Variants in SLC25A48 observed in about 807,000 individuals in gnomAD.
SLC25A48 encodes the protein CTC-321K16.1.
Under a neutral mutation model 32.2 loss-of-function variants are expected in SLC25A48, and 29 were observed. The ratio of observed to expected loss-of-function variants is 0.90; its 90% confidence interval spans 0.67 to 1.23. The LOEUF is 1.23. Ranked by LOEUF, SLC25A48 falls within the 50% of genes most tolerant of loss-of-function variation. The pLI, the probability that SLC25A48 is intolerant of heterozygous loss-of-function variation, is 0.00. For missense variants in SLC25A48, 399 were observed against 422.7 expected (o/e 0.94, Z 0.49); for synonymous variants, 164 against 172.3 (o/e 0.95, Z 0.38).
At chr5:135,647,125 G>A (rs1190647765) in intron 3 of SLC25A48, among the ~76,000 whole-genome samples, 1 of 151,648 alleles carries the variant, frequency 6.6e-6, no homozygotes, top group African/African-American at 2.4e-5. Flanking sequence ...AAACACATAC[G>A]GTTTTTATTT....
At chr5:135,677,796 T>C (rs1753805597) in intron 3 of SLC25A48, among the ~76,000 whole-genome samples, 1 of 152,166 alleles carries the variant, frequency 6.6e-6, no homozygotes, top group Admixed American at 6.5e-5. Context: ...TGCTACAATA[T>C]TGTTGTGTGG....
At chr5:135,770,053 C>A (rs75252455) in intron 3 of SLC25A48, among the ~76,000 whole-genome samples, 5,968 of 149,788 alleles carry the variant, frequency 0.04, 137 homozygotes, top group South Asian at 0.084. Context: ...AAGGAGTGTA[C>A]AAACCCCCCA....
At chr5:135,644,179 G>A (rs912996897) in intron 3 of SLC25A48, among the ~76,000 whole-genome samples, 1 of 151,640 alleles carries the variant, frequency 6.6e-6, no homozygotes, top group Non-Finnish European at 1.5e-5. Flanking sequence ...AGCAAGTTGC[G>A]GATGGGGAGA....
intron 6 of SLC25A48, chr5:135,874,516 C>T: frequency 1.8e-6 from 1 of 561,358 alleles, no homozygotes; most frequent in Non-Finnish European, 3.2e-6. Flanking sequence ...CAGTGCCTTC[C>T]CCACTCCTCC....
chr5:135,690,630 C>G (rs1754122372), intron 3 of SLC25A48, among the ~76,000 whole-genome samples: 1 of 152,228 alleles, frequency 6.6e-6, no homozygotes, highest in African/African-American at 2.4e-5. Flanking sequence ...CTGAGCCCTC[C>G]CTTCCCAAAA....
chr5:135,734,234 G>A (rs1247901836), intron 3 of SLC25A48, among the ~76,000 whole-genome samples: 1 of 152,132 alleles, frequency 6.6e-6, no homozygotes, highest in Non-Finnish European at 1.5e-5. Flanking sequence ...GGATACGAGA[G>A]GAAGATGCAA....
intron 4 of SLC25A48, among the ~76,000 whole-genome samples, chr5:135,815,544 G>C (rs946917596): frequency 2.6e-5 from 4 of 152,194 alleles, no homozygotes; most frequent in African/African-American, 7.2e-5. Flanking sequence ...ACACAGAAAG[G>C]CCTGAGGGGC....
At chr5:135,626,464 A>G (rs572586897) in intron 1 of SLC25A48, among the ~76,000 whole-genome samples, 2 of 152,356 alleles carry the variant, frequency 1.3e-5, no homozygotes, top group African/African-American at 4.8e-5. Context: ...CCTCAAGCCA[A>G]AGCCTTGGCT....
At chr5:135,832,961 A>C (rs1243236375), upstream of SLC25A48, among the ~76,000 whole-genome samples, 1 of 152,214 alleles carries the variant, frequency 6.6e-6, no homozygotes, top group Non-Finnish European at 1.5e-5. Context: ...GCAAATGTGA[A>C]TGGCAGCACA....
At chr5:135,765,117 C>T (rs1198825951) in intron 3 of SLC25A48, among the ~76,000 whole-genome samples, 1 of 151,590 alleles carries the variant, frequency 6.6e-6, no homozygotes, top group East Asian at 2.0e-4. Context: ...GCATACACCC[C>T]TTTGTGATAT....
chr5:135,836,975 C>CA (rs1758574899), intron 1 of SLC25A48, among the ~76,000 whole-genome samples: 2 of 20,962 alleles, frequency 9.5e-5, no homozygotes, highest in African/African-American at 1.4e-4. Context: ...CCCCCACCCC[C>CA]CCCCCCCACA....
At chr5:135,681,065 A>G (rs1293024868) in intron 3 of SLC25A48, among the ~76,000 whole-genome samples, 1 of 152,066 alleles carries the variant, frequency 6.6e-6, no homozygotes, top group Non-Finnish European at 1.5e-5. Context: ...GGCTCACCGC[A>G]ACCTCTGCCT....
chr5:135,864,805 G>T (rs1041850942), intron 4 of SLC25A48, among the ~76,000 whole-genome samples: 5 of 152,230 alleles, frequency 3.3e-5, no homozygotes, highest in Non-Finnish European at 5.9e-5. Context: ...GGTGACACAT[G>T]GTTTATTTAA....
At chr5:135,753,936 C>A (rs1349295329) in intron 3 of SLC25A48, among the ~76,000 whole-genome samples, 1 of 151,896 alleles carries the variant, frequency 6.6e-6, no homozygotes, top group African/African-American at 2.4e-5. Context: ...CAGTTGTATA[C>A]CCAATGTGAC....
chr5:135,785,450 C>T lies in SLC25A48; in HGVS notation c.-520-27073C>T, dbSNP rs372275056. Among the ~76,000 whole-genome samples the T allele has an allele frequency of 3.3e-5, 5 of 150,260 alleles. No individual in the cohort carries two copies. In the East Asian group the frequency reaches 5.9e-4, roughly 18 times the overall value. ...TCCCTATGCGGCGGGAGGTGGAACACCCCCTTTGCCCCATGGATGGTAATA... is the reference window on the plus strand; with the variant it reads ...TCCCTATGCGGCGGGAGGTGGAACATCCCCTTTGCCCCATGGATGGTAATA... On this transcript the variant is annotated intron_variant, in intron 3 of 10. Transcript: ENST00000646290.
At chr5:135,835,825 C>T (rs1021064027) in intron 1 of SLC25A48, among the ~76,000 whole-genome samples, 4 of 152,166 alleles carry the variant, frequency 2.6e-5, no homozygotes, top group Non-Finnish European at 4.4e-5. Context: ...GATCCCAACT[C>T]CTCCCCTCCT....
At position 135,814,107 on chromosome 5, in the gene SLC25A48, G is replaced by A. The variant is rs1311091155; in HGVS notation, c.-117+1181G>A. 3.3e-5 allele frequency among the ~76,000 whole-genome samples: 5 copies of A among 152,176 alleles called. No individual in the cohort carries two copies. In the South Asian group the frequency reaches 6.2e-4, roughly 19 times the overall value. On this transcript the variant is annotated intron_variant, in intron 4 of 10. Coordinates refer to the SLC25A48 transcript ENST00000646290. ...AAGTTGCAGATGAAATGGAATCTGCGCTGCAGTTGAGCCAGGTGTTGAGAG... is the reference window on the plus strand; with the variant it reads ...AAGTTGCAGATGAAATGGAATCTGCACTGCAGTTGAGCCAGGTGTTGAGAG...
chr5:135,638,146 A>T (rs1561769433), intron 3 of SLC25A48, among the ~76,000 whole-genome samples: 2 of 152,220 alleles, frequency 1.3e-5, no homozygotes, highest in African/African-American at 4.8e-5. Context: ...ATGCATTTTG[A>T]TTCTACATAT....
At chr5:135,763,762 CAT>C (rs1491434113) in intron 3 of SLC25A48, among the ~76,000 whole-genome samples, 12 of 88,446 alleles carry the variant, frequency 1.4e-4, no homozygotes, top group South Asian at 4.2e-4. Flanking sequence ...GGAACACACA[CAT>C]ACACACACAC....
Sources: gnomAD v4.1 joint callset for allele counts (sites outside exome capture counted in the v4.1 genomes callset) on GRCh38, gnomAD v4.1.1 for gene constraint, MANE v1.5 for transcripts, NCBI Gene and HGNC (gene_info 2026-07-23, HGNC 2026-07-21) for gene names.